Variants in TBC1D22A observed in about 807,000 individuals in gnomAD.
The protein encoded by TBC1D22A is putative GTPase activator.
TBC1D22A carries 38 observed loss-of-function variants against 60.2 expected under a neutral mutation model. The observed-to-expected ratio is 0.63, with a 90% CI of 0.49 to 0.83. The LOEUF is 0.83. Ranked by LOEUF, TBC1D22A falls within the 40% of genes least tolerant of loss-of-function variation. TBC1D22A has a pLI of 0.00. For synonymous variants in TBC1D22A, 302 were observed against 281.7 expected (o/e 1.07, Z -0.72); for missense variants, 628 against 701.0 (o/e 0.90, Z 1.18).
At chr22:46,903,201 G>A (rs565554443) in intron 7 of TBC1D22A, among the ~76,000 whole-genome samples, 8 of 152,310 alleles carry the variant, frequency 5.3e-5, no homozygotes, top group African/African-American at 1.4e-4. Context: ...GTGGGCGTTC[G>A]GGACCGAGGG....
At chr22:47,148,716 C>T (rs1332205299) in intron 12 of TBC1D22A, among the ~76,000 whole-genome samples, 1 of 150,524 alleles carries the variant, frequency 6.6e-6, no homozygotes, top group Non-Finnish European at 1.5e-5. Flanking sequence ...GGGGTCCCTC[C>T]CTCCCCTGGG....
intron 11 of TBC1D22A, among the ~76,000 whole-genome samples, chr22:47,045,941 T>C (rs185812672): frequency 6.6e-6 from 1 of 152,176 alleles, no homozygotes; most frequent in Admixed American, 6.5e-5. Flanking sequence ...CAGCATCCGA[T>C]TTTTGGAGGC....
intron 8 of TBC1D22A, among the ~76,000 whole-genome samples, chr22:46,934,939 G>T (rs1444801755): frequency 1.3e-5 from 2 of 152,242 alleles, no homozygotes; most frequent in South Asian, 4.1e-4. Flanking sequence ...AGGGTGGGGA[G>T]GGGAGGTGAG....
At chr22:46,946,151 C>T (rs1434376883) in intron 8 of TBC1D22A, among the ~76,000 whole-genome samples, 1 of 152,160 alleles carries the variant, frequency 6.6e-6, no homozygotes, top group Non-Finnish European at 1.5e-5. Context: ...CGTGTAGGTT[C>T]GTTTTCTCTT....
intron 10 of TBC1D22A, among the ~76,000 whole-genome samples, chr22:47,025,467 T>C (rs2062222563): frequency 6.6e-6 from 1 of 152,236 alleles, no homozygotes; most frequent in African/African-American, 2.4e-5. Context: ...TCCTCAAATA[T>C]TTCTAAATGA....
At chr22:46,810,985 G>A (rs1162300736) in intron 4 of TBC1D22A, among the ~76,000 whole-genome samples, 1 of 152,192 alleles carries the variant, frequency 6.6e-6, no homozygotes. Context: ...CTTACTTTGG[G>A]GAGCATGGCT....
chr22:46,880,034 G>C (rs1044705398), intron 5 of TBC1D22A, among the ~76,000 whole-genome samples: 2 of 152,166 alleles, frequency 1.3e-5, no homozygotes, highest in Non-Finnish European at 2.9e-5. Context: ...CAGGAACCCC[G>C]GCGAGGCAAG....
At chr22:46,916,684 G>A (rs1316622943) in intron 8 of TBC1D22A, among the ~76,000 whole-genome samples, 2 of 152,206 alleles carry the variant, frequency 1.3e-5, no homozygotes, top group Admixed American at 6.5e-5. Flanking sequence ...CACCAGTTTC[G>A]CTCAGGCCCT....
chr22:47,057,981 A>C (rs1202017487), intron 11 of TBC1D22A, among the ~76,000 whole-genome samples: 3 of 152,212 alleles, frequency 2.0e-5, no homozygotes, highest in Non-Finnish European at 4.4e-5. Flanking sequence ...CGAGGATCTC[A>C]GCTGCGTCAT....
intron 12 of TBC1D22A, among the ~76,000 whole-genome samples, chr22:47,128,672 A>T (rs774830446): frequency 1.3e-5 from 2 of 152,116 alleles, no homozygotes; most frequent in Non-Finnish European, 2.9e-5. Context: ...TCTGTGATGG[A>T]TACCACTTTC....
chr22:46,918,478 A>G (rs2070527776), intron 8 of TBC1D22A, among the ~76,000 whole-genome samples: 1 of 152,166 alleles, frequency 6.6e-6, no homozygotes, highest in Non-Finnish European at 1.5e-5. Context: ...CTGCCAGACC[A>G]GTGTGTGCCC....
chr22:47,077,229 ACT>A (rs1301453120), intron 11 of TBC1D22A, among the ~76,000 whole-genome samples: 3 of 151,962 alleles, frequency 2.0e-5, no homozygotes, highest in East Asian at 3.9e-4. Flanking sequence ...CCATTCCCCA[ACT>A]CTCTGTGTGC....
At position 46,851,177 on chromosome 22, in the gene TBC1D22A, G is replaced by A. The variant is rs938239536; in HGVS notation, c.638-27476G>A. Among the ~76,000 whole-genome samples the A allele has an allele frequency of 7.9e-5, 12 of 152,334 alleles. 1 individual carries two copies. The South Asian group carries it at 2.5e-3, about 32-fold the overall frequency. On this transcript the variant is annotated intron_variant, in intron 4 of 12. Coordinates refer to ENST00000337137, the MANE Select transcript of TBC1D22A (RefSeq NM_014346.5). ...TAAAAAAATTCAAAACATACCTGTT[G>A]GCTTTGCCGTGGGATGTCCCTAAGG...
intron 11 of TBC1D22A, among the ~76,000 whole-genome samples, chr22:47,083,770 C>G (rs189960304): frequency 2.0e-5 from 3 of 152,248 alleles, no homozygotes; most frequent in Non-Finnish European, 2.9e-5. Context: ...AAATGGCCAT[C>G]AAACACTTGA....
intron 10 of TBC1D22A, among the ~76,000 whole-genome samples, chr22:47,007,610 C>G (rs2061632688): frequency 6.6e-6 from 1 of 151,780 alleles, no homozygotes; most frequent in South Asian, 2.1e-4. Flanking sequence ...CTGGTGAGGG[C>G]TGTCCCCTAG....
chr22:47,091,369 A>AG, intron 11 of TBC1D22A, among the ~76,000 whole-genome samples: 4 of 63,700 alleles, frequency 6.3e-5, no homozygotes, highest in African/African-American at 2.8e-4. Flanking sequence ...GGCCTCGCAG[A>AG]GGGGTTGTTG....
At chr22:46,961,788 G>T (rs188730453) in intron 8 of TBC1D22A, among the ~76,000 whole-genome samples, 2 of 152,320 alleles carry the variant, frequency 1.3e-5, no homozygotes. Flanking sequence ...AGAGGAACTC[G>T]GTCAGTGGTC....
chr22:47,125,164 T>C (rs1422382277), intron 12 of TBC1D22A, among the ~76,000 whole-genome samples: 5 of 151,980 alleles, frequency 3.3e-5, no homozygotes, highest in Admixed American at 3.3e-4. Context: ...AGTCCCCGAG[T>C]CCCCAGGCTC....
At chr22:46,869,798 A>G (rs1373118329) in intron 4 of TBC1D22A, among the ~76,000 whole-genome samples, 2 of 152,256 alleles carry the variant, frequency 1.3e-5, no homozygotes, top group Non-Finnish European at 2.9e-5. Context: ...AAAGGCAGTT[A>G]ATAAGAAATG....
Sources: gnomAD v4.1 joint callset for allele counts (sites outside exome capture counted in the v4.1 genomes callset) on GRCh38, gnomAD v4.1.1 for gene constraint, MANE v1.5 for transcripts, NCBI Gene and HGNC (gene_info 2026-07-23, HGNC 2026-07-21) for gene names.